The following TASOR2 variants were observed in gnomAD, a reference collection of about 807,000 sequenced individuals.
TASOR2 encodes protein TASOR 2.
A neutral mutation model predicts 199.5 loss-of-function variants in TASOR2; 84 were observed. The observed-to-expected ratio is 0.42, with a 90% confidence interval of 0.35 to 0.50. The LOEUF (loss-of-function observed/expected upper bound fraction) is 0.50. Ranked by LOEUF, TASOR2 falls within the 20% of genes least tolerant of loss-of-function variation. TASOR2 has a pLI of 0.02. For missense variants in TASOR2, 2,796 were observed against 2,835.9 expected (o/e 0.99, Z 0.32); for synonymous variants, 1,103 against 1,046.6 (o/e 1.05, Z -1.04).
chr10:5,760,234 C>T (rs571419461), intron 18 of TASOR2, among the ~76,000 whole-genome samples: 3 of 152,264 alleles, frequency 2.0e-5, no homozygotes, highest in East Asian at 3.9e-4. Flanking sequence ...AAAAAAGGTT[C>T]AGTAAATTAC....
In TASOR2 at chr10:5,762,511, GTTT is replaced by G; in HGVS notation, c.7175-8_7175-6del. 41 of 587,304 alleles carry G rather than the reference GTTT, an allele frequency of 7.0e-5. No homozygotes were observed. The highest frequency in any genetic ancestry group is 6.4e-4 in the South Asian group (19 of 29,546). The allele number at this position is 587,304 out of a possible 1,614,324, so 36.4% of individuals were successfully genotyped here. ...ACATTAATTATATTAACCAAAAGTT[GTTT>G]TTTTTTTTTTTTAACAGACAAGCCT... On this transcript the variant is annotated intron_variant, in intron 19 of 20. Transcript: ENST00000328090.
intron 1 of TASOR2, among the ~76,000 whole-genome samples, chr10:5,688,848 A>G (rs970439167): frequency 2.0e-5 from 3 of 152,146 alleles, no homozygotes; most frequent in African/African-American, 7.2e-5. Flanking sequence ...TACAAAAAAA[A>G]AAAAATTAGT....
At chr10:5,726,652 C>T (rs1834092654) in intron 8 of TASOR2, among the ~76,000 whole-genome samples, 1 of 152,136 alleles carries the variant, frequency 6.6e-6, no homozygotes, top group Non-Finnish European at 1.5e-5. Context: ...GAGCACTGTT[C>T]TAAAACTAAC....
exon 15 of TASOR2, chr10:5,746,512 T>A (rs780578206): frequency 6.2e-6 from 10 of 1,614,098 alleles, no homozygotes; most frequent in Non-Finnish European, 8.5e-6. Context: ...AAACAATGAA[T>A]GTCACCCTTC....
intron 13 of TASOR2, among the ~76,000 whole-genome samples, chr10:5,741,576 G>A (rs940401543): frequency 1.3e-5 from 2 of 152,126 alleles, no homozygotes; most frequent in African/African-American, 4.8e-5. Context: ...TCCCCTTACT[G>A]TTTCAGGATA....
intron 18 of TASOR2, among the ~76,000 whole-genome samples, 153 bp downstream of exon 19, chr10:5,759,145 C>T (rs1839409595): frequency 6.6e-6 from 1 of 152,102 alleles, no homozygotes; most frequent in African/African-American, 2.4e-5. Flanking sequence ...ATGAAGGAAG[C>T]TATGTGCTGT....
chr10:5,721,113 GTATAGC>G, intron 6 of TASOR2, 143 bp downstream of exon 7: 2 of 613,430 alleles, frequency 3.3e-6, no homozygotes, highest in Non-Finnish European at 5.6e-6. Flanking sequence ...TTGGGTAAAT[GTATAGC>G]ACACAGGGTA....
At chr10:5,762,744 T>G in intron 20 of TASOR2, 98 bp downstream of exon 21, 1 of 731,202 alleles carries the variant, frequency 1.4e-6, no homozygotes, top group Non-Finnish European at 2.4e-6. Context: ...GAAACTGTTG[T>G]TTACATACTT....
chr10:5,692,243 C>G (rs900298755), intron 1 of TASOR2, among the ~76,000 whole-genome samples: 4 of 151,062 alleles, frequency 2.6e-5, no homozygotes, highest in East Asian at 1.9e-4. Context: ...ATTTAAAAAG[C>G]TGCATCAAAC....
At chr10:5,733,349 AAC>A (rs959747194) in intron 11 of TASOR2, among the ~76,000 whole-genome samples, 8 of 152,098 alleles carry the variant, frequency 5.3e-5, no homozygotes, top group African/African-American at 1.9e-4. Context: ...CTCTACTAAA[AAC>A]ACAAAAAATA....
In TASOR2 at chr10:5,754,618, T is replaced by C. The variant is rs890147807; in HGVS notation, c.6607-1995T>C. On this transcript the variant is annotated intron_variant, in intron 15 of 20. Transcript: ENST00000328090. This position sits in a 1 kb window ranked among gnomAD's most constrained non-coding sequence, Gnocchi z 4.3. ...TTGGCCAGGCTGGTCTCGAACTCCA[T>C]AGCAGGAGTTCTTCTAGATATCTTG... Among the ~76,000 whole-genome samples the C allele has an allele frequency of 2.6e-5, 4 of 151,990 alleles. No individual in the cohort carries two copies. Among genetic ancestry groups the C allele is most frequent in the Non-Finnish European group, 5.9e-5 (4 of 67,972 alleles).
chr10:5,692,741 C>T (rs975390592), intron 1 of TASOR2: 5 of 151,836 alleles, frequency 3.3e-5, no homozygotes, highest in Non-Finnish European at 7.4e-5. Context: ...GCTCCGCTCG[C>T]GGAGCCGGCG....
chr10:5,712,950 T>C (rs567351449), intron 2 of TASOR2, 32 bp downstream of exon 2: 2 of 1,014,478 alleles, frequency 2.0e-6, no homozygotes, highest in Non-Finnish European at 2.5e-6. Context: ...AAATTAATGG[T>C]ATCATTAGTC....
intron 15 of TASOR2, among the ~76,000 whole-genome samples, chr10:5,753,564 C>T (rs1054667104): frequency 2.0e-5 from 3 of 152,166 alleles, no homozygotes; most frequent in African/African-American, 4.8e-5. Context: ...TGGAGTTTCA[C>T]CGTGTTAGGA....
At chr10:5,715,940 C>T (rs149325216) in intron 2 of TASOR2, among the ~76,000 whole-genome samples, 15 of 152,240 alleles carry the variant, frequency 9.9e-5, no homozygotes, top group East Asian at 5.8e-4. Context: ...CCTGCCTGGC[C>T]GCAATTTTTT....
chr10:5,715,364 C>G (rs1042798807), intron 2 of TASOR2, among the ~76,000 whole-genome samples: 2 of 151,938 alleles, frequency 1.3e-5, no homozygotes, highest in Non-Finnish European at 2.9e-5. Context: ...AAAAGAAATC[C>G]CATGGCCATT....
chr10:5,720,319 C>A lies in TASOR2; in HGVS notation c.-99-225C>A, dbSNP rs756771028. 1.6e-5 allele frequency: 16 copies of A among 985,302 alleles called. No individual in the cohort carries two copies. The highest frequency in any genetic ancestry group is 1.9e-5 in the Non-Finnish European group (16 of 829,850). The allele number at this position is 985,302 out of a possible 1,614,324, so 61.0% of individuals were successfully genotyped here. A position where few individuals can be genotyped will look rare whatever the true frequency, so the allele number is the denominator to read the frequency against. On this transcript the variant is annotated intron_variant, in intron 3 of 20. Coordinates refer to ENST00000328090, the Ensembl canonical transcript of TASOR2. This position sits in a 1 kb window ranked among gnomAD's most constrained non-coding sequence, Gnocchi z 5.3. ...CTAACTATACTAAGCCATCTTCTGG[C>A]TATGATTGCCACGTGTCTGAAAATA...
intron 2 of TASOR2, among the ~76,000 whole-genome samples, chr10:5,716,317 A>G (rs955199646): frequency 2.6e-5 from 4 of 152,224 alleles, no homozygotes; most frequent in African/African-American, 9.6e-5. Flanking sequence ...ATTATGAATA[A>G]TGGTCCTATG....
rs551713409 is a variant in TASOR2 at position 5,689,968 on chromosome 10, T to C, written c.-288+4793T>C. 6.6e-6 allele frequency among the ~76,000 whole-genome samples: 1 copy of C among 152,290 alleles called. No individual in the cohort carries two copies. Among genetic ancestry groups the C allele is most frequent in the South Asian group, 2.1e-4 (1 of 4,830 alleles). On this transcript the variant is annotated intron_variant, in intron 1 of 20. Transcript: ENST00000328090. This position sits in a 1 kb window ranked among gnomAD's most constrained non-coding sequence, Gnocchi z 4.1. ...ATTTTCTTCATCATTATTGGTTTAT[T>C]TAAATGTTTCTTCCATTTAGACCAA...
Sources: gnomAD v4.1 joint callset for allele counts (sites outside exome capture counted in the v4.1 genomes callset) on GRCh38, gnomAD v4.1.1 for gene constraint, Gnocchi (gnomAD v3.1) non-coding constraint, MANE v1.5 for transcripts, NCBI Gene and HGNC (gene_info 2026-07-23, HGNC 2026-07-21) for gene names.